FBXL5: variants seen among roughly 807,000 people sequenced by gnomAD.
The protein encoded by FBXL5 is F-box and leucine rich repeat protein 5, also known as F-box/LRR-repeat protein 5.
A neutral mutation model predicts 78.3 loss-of-function variants in FBXL5; 26 were observed. That is an observed-to-expected ratio of 0.33 (90% CI 0.24 to 0.46). FBXL5 has a LOEUF of 0.46. FBXL5 is among the 20% of genes least tolerant of loss of function. The pLI is 1.00. For missense variants in FBXL5, 710 were observed against 829.2 expected (o/e 0.86, Z 1.77); for synonymous variants, 295 against 282.5 (o/e 1.04, Z -0.45).
upstream of FBXL5, among the ~76,000 whole-genome samples, chr4:15,662,295 G>A (rs1156498467): frequency 2.7e-5 from 4 of 150,372 alleles, no homozygotes; most frequent in East Asian, 7.7e-4. Flanking sequence ...ACTCTAGAGG[G>A]TAGTCTTCAT....
intron 1 of FBXL5, among the ~76,000 whole-genome samples, chr4:15,651,788 T>G (rs752879214): frequency 2.0e-5 from 3 of 152,210 alleles, no homozygotes; most frequent in Non-Finnish European, 4.4e-5. Context: ...GGGCACACCT[T>G]AAGGCCTCCA....
intron 9 of FBXL5, among the ~76,000 whole-genome samples, chr4:15,616,432 G>A (rs1711891107): frequency 6.6e-6 from 1 of 152,102 alleles, no homozygotes; most frequent in South Asian, 2.1e-4. Flanking sequence ...GGTGAGCAGG[G>A]CTAAGATCTT....
chr4:15,673,219 C>T (rs1717837086), intron 1 of FBXL5, among the ~76,000 whole-genome samples: 4 of 152,118 alleles, frequency 2.6e-5, no homozygotes, highest in African/African-American at 9.7e-5. Context: ...GTAGCTGGAT[C>T]GCTTGAGCCC....
chr4:15,677,567 G>GTGATTAA, intron 1 of FBXL5, among the ~76,000 whole-genome samples: 1 of 152,096 alleles, frequency 6.6e-6, no homozygotes, highest in African/African-American at 2.4e-5. Context: ...TAAGTGACTA[G>GTGATTAA]TGATTAATGA....
intron 10 of FBXL5, among the ~76,000 whole-genome samples, chr4:15,606,893 G>A (rs952664694): frequency 2.0e-5 from 3 of 151,960 alleles, no homozygotes; most frequent in Non-Finnish European, 2.9e-5. Context: ...AACAGCACTC[G>A]GCTGCAACAA....
Position 15,625,723 on chromosome 4 carries a change from T to C in FBXL5, c.1379A>G (p.Asp460Gly). ...AGGCTTAGTCCAGGGGTGTTCATTA[T>C]CTATTTCTTCTCCAATGCCCTTGTT... Reference protein sequence around the residue: ...LTNKGIGEEIDNEHPWTKPVS... With the variant: ...LTNKGIGEEIGNEHPWTKPVS... The change falls in exon 9 of 11, where the codon GAT (aspartate) becomes GGT (glycine). Residue 460 changes from aspartate (D) to glycine (G), a missense_variant. Physicochemically the swap from Asp to Gly is moderately conservative, Grantham distance 94. Transcript: ENST00000341285. 1.9e-6 allele frequency: 3 copies of C among 1,614,236 alleles called. No individual in the cohort carries two copies. The highest frequency in any genetic ancestry group is 1.1e-5 in the South Asian group (1 of 91,086).
chr4:15,675,154 AT>A (rs140903559), intron 1 of FBXL5, among the ~76,000 whole-genome samples: 18,228 of 152,136 alleles, frequency 0.12, 1,227 homozygotes, highest in Non-Finnish European at 0.15. Context: ...CACATCATTG[AT>A]TTTTTATGTT....
intron 1 of FBXL5, among the ~76,000 whole-genome samples, chr4:15,669,593 T>G (rs1023863245): frequency 6.6e-6 from 1 of 152,088 alleles, no homozygotes; most frequent in African/African-American, 2.4e-5. Flanking sequence ...AGAATGATAA[T>G]AAATACTCCC....
At chr4:15,608,941 C>T (rs1722061645) in intron 10 of FBXL5, among the ~76,000 whole-genome samples, 1 of 152,104 alleles carries the variant, frequency 6.6e-6, no homozygotes. Flanking sequence ...GAGACTAACA[C>T]CTTCCAAAGC....
At chr4:15,659,771 A>C, upstream of FBXL5, 3 of 982,970 alleles carry the variant, frequency 3.1e-6, no homozygotes, top group Non-Finnish European at 3.6e-6. Flanking sequence ...GTGAACACCA[A>C]AATCTTGATT....
At chr4:15,656,278 GACC>G (rs1187995899), upstream of FBXL5, 1 of 456,124 alleles carries the variant, frequency 2.2e-6, no homozygotes, top group Non-Finnish European at 4.4e-6. Flanking sequence ...CCTGGCCACA[GACC>G]TCCTGGAGAC....
chr4:15,611,700 A>C (rs1722277758), intron 10 of FBXL5, among the ~76,000 whole-genome samples: 1 of 152,104 alleles, frequency 6.6e-6, no homozygotes, highest in Non-Finnish European at 1.5e-5. Flanking sequence ...TCAATTTCCA[A>C]AATACTACAG....
In FBXL5 at chr4:15,625,532, C is replaced by G. The variant is rs777161956; in HGVS notation, c.1570G>C (p.Asp524His). ...SCSTSGCFSKDIVGLRTSVCW... is the reference protein window; with the variant it reads ...SCSTSGCFSKHIVGLRTSVCW... ...ACACTAGTCCTTAGTCCAACAATGTCCTTACTAAAACAACCAGAGGTGGAA... is the reference window on the plus strand; with the variant it reads ...ACACTAGTCCTTAGTCCAACAATGTGCTTACTAAAACAACCAGAGGTGGAA... Residue 524 changes from aspartate to histidine, a missense_variant, in exon 9 of 11, where the codon GAC becomes CAC. Asp to His is a moderately conservative substitution (Grantham distance 81). This residue lies in a region of FBXL5 where 517 missense variants were observed against 542.9 expected (regional missense o/e 0.95). Transcript: ENST00000341285. The G allele has an allele frequency of 4.3e-6, 7 of 1,614,120 alleles. No individual in the cohort carries two copies. Among genetic ancestry groups the G allele is most frequent in the South Asian group, 1.1e-5 (1 of 91,074 alleles).
At chr4:15,655,106 G>T in intron 1 of FBXL5, 98 bp downstream of exon 1, 2 of 976,072 alleles carry the variant, frequency 2.0e-6, no homozygotes, top group Non-Finnish European at 2.6e-6. Flanking sequence ...GACGGCACGG[G>T]GCTGCGGGCG....
chr4:15,659,581 G>A (rs1188420848), upstream of FBXL5: 1 of 220,562 alleles, frequency 4.5e-6, no homozygotes, highest in Admixed American at 6.5e-5. Flanking sequence ...TCCTTTTGAA[G>A]AGAAGTTTAG....
intron 10 of FBXL5, 48 bp downstream of exon 10, chr4:15,612,218 A>T (rs188735634): frequency 4.1e-5 from 58 of 1,420,706 alleles, no homozygotes; most frequent in Middle Eastern, 3.7e-4. Context: ...GCTAAAAAAA[A>T]TTTTAAATTA....
intron 9 of FBXL5, among the ~76,000 whole-genome samples, chr4:15,615,572 T>G (rs1711752644): frequency 6.7e-6 from 1 of 149,616 alleles, no homozygotes; most frequent in African/African-American, 2.5e-5. Context: ...ACTCTGTATC[T>G]AGCTCAAGGT....
At chr4:15,672,826 T>A (rs942689945) in intron 1 of FBXL5, among the ~76,000 whole-genome samples, 1 of 152,206 alleles carries the variant, frequency 6.6e-6, no homozygotes, top group African/African-American at 2.4e-5. Flanking sequence ...TTTTTGACTC[T>A]CTTGTAATAA....
At chr4:15,644,847 T>G in intron 1 of FBXL5, 139 bp from the exon 2 acceptor site, 1 of 635,092 alleles carries the variant, frequency 1.6e-6, no homozygotes, top group Admixed American at 3.0e-5. Flanking sequence ...TAAAAGAAAT[T>G]CATAAATTAA....
Sources: gnomAD v4.1 joint callset for allele counts (sites outside exome capture counted in the v4.1 genomes callset) on GRCh38, gnomAD v4.1.1 for gene constraint, gnomAD v4.1.1 regional missense constraint, MANE v1.5 for transcripts, NCBI Gene and HGNC (gene_info 2026-07-23, HGNC 2026-07-21) for gene names.